HSPA14: variants seen among roughly 807,000 people sequenced by gnomAD.
HSPA14 encodes the protein heat shock 70 kDa protein 14.
Under a neutral mutation model 65.5 loss-of-function variants are expected in HSPA14, and 37 were observed. That is an observed-to-expected ratio of 0.56 (90% CI 0.43 to 0.74). HSPA14 has a LOEUF of 0.74. HSPA14 is among the 30% of genes least tolerant of loss of function. The pLI is 0.00. For missense variants in HSPA14, 564 were observed against 607.6 expected, an observed-to-expected ratio of 0.93 and a Z score of 0.75; for synonymous variants, 203 against 214.2, an observed-to-expected ratio of 0.95 and a Z score of 0.46.
chr10:14,854,441 C>A (rs375636513), intron 9 of HSPA14, among the ~76,000 whole-genome samples, 161 bp downstream of exon 9: 1 of 152,236 alleles, frequency 6.6e-6, no homozygotes, highest in South Asian at 2.1e-4. Context: ...GACTAAATAG[C>A]TGTTACCAGA....
chr10:14,856,305 G>T (rs1468379995), intron 10 of HSPA14, among the ~76,000 whole-genome samples: 3 of 152,070 alleles, frequency 2.0e-5, no homozygotes, highest in Non-Finnish European at 4.4e-5. Flanking sequence ...TATCCCCAAG[G>T]TAAGCACTAT....
intron 3 of HSPA14, among the ~76,000 whole-genome samples, chr10:14,840,993 T>C (rs1773700233): frequency 6.6e-6 from 1 of 152,188 alleles, no homozygotes; most frequent in African/African-American, 2.4e-5. Context: ...CGGCCCCAGG[T>C]TCTTTTCTTT....
At chr10:14,864,231 G>GA (rs1832784063) in intron 10 of HSPA14, among the ~76,000 whole-genome samples, 1 of 135,498 alleles carries the variant, frequency 7.4e-6, no homozygotes, top group Non-Finnish European at 1.6e-5. Flanking sequence ...CTCTGTCTCC[G>GA]GAAAAAAAAA....
At chr10:14,840,053 TA>T in intron 2 of HSPA14, 21 bp from the exon 3 acceptor site, 4 of 1,210,768 alleles carry the variant, frequency 3.3e-6, no homozygotes, top group Admixed American at 2.6e-5. Context: ...TATATATATA[TA>T]TATATTATTT....
intron 3 of HSPA14, chr10:14,843,689 T>A: frequency 6.5e-7 from 1 of 1,543,192 alleles, no homozygotes; most frequent in Non-Finnish European, 8.7e-7. Flanking sequence ...GCACGAGAAC[T>A]CTCAAAGCGG....
chr10:14,859,442 C>G (rs1348206635), intron 10 of HSPA14, among the ~76,000 whole-genome samples: 1 of 152,236 alleles, frequency 6.6e-6, no homozygotes, highest in Non-Finnish European at 1.5e-5. Context: ...GTTGACATCT[C>G]AAACTCAAGA....
chr10:14,842,799 G>A lies in HSPA14; in HGVS notation c.221+2642G>A, dbSNP rs1373638725. Reference sequence around the variant, plus strand: ...CAGCTAAGAATCAGTGACCGGATACGAGAAACCAGTGACCTTGAGGACTCC... The same window carrying A: ...CAGCTAAGAATCAGTGACCGGATACAAGAAACCAGTGACCTTGAGGACTCC... On this transcript the variant is annotated intron_variant, in intron 3 of 13. Coordinates refer to ENST00000378372, the MANE Select transcript of HSPA14 (RefSeq NM_016299.4). The surrounding 1 kb of genome is among the most constrained non-coding windows in gnomAD (Gnocchi z 5.2). 9 of 1,536,266 alleles carry A rather than the reference G, an allele frequency of 5.9e-6. No homozygotes were observed. The highest frequency in any genetic ancestry group is 2.4e-5 in the East Asian group (1 of 40,920).
chr10:14,859,359 C>T (rs1832733461), intron 10 of HSPA14, among the ~76,000 whole-genome samples: 1 of 152,218 alleles, frequency 6.6e-6, no homozygotes, highest in African/African-American at 2.4e-5. Flanking sequence ...GAATCCTATG[C>T]ATCAGACCAC....
chr10:14,847,106 C>A, intron 3 of HSPA14: 1 of 842,292 alleles, frequency 1.2e-6, no homozygotes, highest in Non-Finnish European at 1.4e-6. Context: ...CTGCAGCCCT[C>A]GGAGCTATAT....
intron 1 of HSPA14, 56 bp from the exon 2 acceptor site, chr10:14,839,849 A>C: frequency 7.6e-7 from 1 of 1,311,108 alleles, no homozygotes; most frequent in Non-Finnish European, 1.1e-6. Flanking sequence ...TGGTGCACAA[A>C]TGCACACGTC....
At chr10:14,852,844 A>G (rs1316733608) in intron 8 of HSPA14, among the ~76,000 whole-genome samples, 1 of 152,198 alleles carries the variant, frequency 6.6e-6, no homozygotes, top group Non-Finnish European at 1.5e-5. Flanking sequence ...AGGAGTGTAT[A>G]GGCACTGAGG....
intron 5 of HSPA14, 111 bp from the exon 6 acceptor site, chr10:14,849,610 G>A (rs1280479149): frequency 2.3e-6 from 2 of 866,112 alleles, no homozygotes; most frequent in East Asian, 5.3e-5. Context: ...GGGCAAGCAA[G>A]TGTATTGGGA....
intron 10 of HSPA14, among the ~76,000 whole-genome samples, chr10:14,862,355 G>T (rs2131645840): frequency 6.8e-6 from 1 of 147,654 alleles, no homozygotes; most frequent in African/African-American, 2.5e-5. Flanking sequence ...ATCATATTGA[G>T]AAAGCTCTTT....
chr10:14,865,589 C>A (rs1832799795), intron 10 of HSPA14, among the ~76,000 whole-genome samples: 1 of 152,178 alleles, frequency 6.6e-6, no homozygotes, highest in Non-Finnish European at 1.5e-5. Flanking sequence ...GAATCCTTTC[C>A]CCATTTCTTG....
chr10:14,871,468 A>C (rs1832853954), intron 13 of HSPA14, 60 bp from the exon 14 acceptor site: 1 of 978,198 alleles, frequency 1.0e-6, no homozygotes, highest in Admixed American at 2.2e-5. Context: ...AACTTGTTAC[A>C]GACTTTATGT....
intron 1 of HSPA14, 54 bp downstream of exon 1, chr10:14,838,513 G>T: frequency 6.6e-7 from 1 of 1,513,078 alleles, no homozygotes. Flanking sequence ...CGGTTTTCTG[G>T]CGCTGGGTCA....
Position 14,838,381 on chromosome 10 carries a change from C to G in HSPA14, c.-22C>G, listed in dbSNP as rs746793060. 8.2e-6 allele frequency: 13 copies of G among 1,592,440 alleles called. No homozygotes were observed. Among genetic ancestry groups the G allele is most frequent in the Non-Finnish European group, 1.1e-5 (13 of 1,172,108 alleles). On this transcript the variant is annotated 5_prime_UTR_variant, in exon 1 of 14. Coordinates refer to ENST00000378372, the MANE Select transcript of HSPA14 (RefSeq NM_016299.4). ...CTGTTGGGGGACCCCCTCATTCCTG[C>G]CGCTGCCGTCCCTGCTGCCTCATGG...
rs980178060 is a variant in HSPA14 at position 14,851,349 on chromosome 10, G to T, written c.572+26G>T. On this transcript the variant is annotated intron_variant, in intron 7 of 13. Transcript: ENST00000378372. ...GTAAAGATCATATTTGCAGTTTTAG[G>T]TTTTTTGAGTGCAGAAAACATTTTA... 7.1e-6 allele frequency: 9 copies of T among 1,263,818 alleles called. No individual in the cohort carries two copies. In the African/African-American group the frequency reaches 8.8e-5, roughly 12 times the overall value. The allele number at this position is 1,263,818 out of a possible 1,614,324, so 78.3% of individuals were successfully genotyped here.
chr10:14,848,707 G>A, intron 4 of HSPA14, 50 bp downstream of exon 4: 4 of 1,482,850 alleles, frequency 2.7e-6, no homozygotes, highest in Non-Finnish European at 3.7e-6. Flanking sequence ...TAATTACCAA[G>A]GTGATAACAT....
Sources: gnomAD v4.1 joint callset for allele counts (sites outside exome capture counted in the v4.1 genomes callset) on GRCh38, gnomAD v4.1.1 for gene constraint, Gnocchi (gnomAD v3.1) non-coding constraint, MANE v1.5 for transcripts, NCBI Gene and HGNC (gene_info 2026-07-23, HGNC 2026-07-21) for gene names.